Variants in LRBA observed in about 807,000 individuals in gnomAD.
The protein encoded by LRBA is LPS responsive beige-like anchor protein.
A neutral mutation model predicts 330.0 loss-of-function variants in LRBA; 176 were observed. The observed-to-expected ratio is 0.53, with a 90% CI of 0.47 to 0.60. The LOEUF (loss-of-function observed/expected upper bound fraction) is 0.60. Among genes scored for constraint, LRBA ranks in the 20% least tolerant of loss-of-function variants. The pLI, the probability that LRBA is intolerant of heterozygous loss-of-function variation, is 0.00. For synonymous variants in LRBA, 1,230 were observed against 1,193.0 expected (o/e 1.03, Z -0.64); for missense variants, 3,259 against 3,444.8 (o/e 0.95, Z 1.35).
At chr4:150,922,088 T>A (rs1733345659) in intron 4 of LRBA, among the ~76,000 whole-genome samples, 1 of 151,896 alleles carries the variant, frequency 6.6e-6, no homozygotes, top group African/African-American at 2.4e-5. Context: ...CTCAAACTCC[T>A]GACTTCAAGT....
At chr4:150,868,002 T>C in intron 21 of LRBA, 139 bp from the exon 22 acceptor site, 1 of 895,952 alleles carries the variant, frequency 1.1e-6, no homozygotes. Flanking sequence ...TTAAGAACAA[T>C]TCGACAATGT....
chr4:150,281,658 C>T (rs79771066), intron 55 of LRBA, among the ~76,000 whole-genome samples: 2,417 of 152,282 alleles, frequency 0.016, 23 homozygotes, highest in Non-Finnish European at 0.025. Context: ...TGGGTCCCCT[C>T]ATTGTATACA....
At chr4:150,882,530 A>G (rs1337756980) in intron 17 of LRBA, among the ~76,000 whole-genome samples, 1 of 152,224 alleles carries the variant, frequency 6.6e-6, no homozygotes, top group Non-Finnish European at 1.5e-5. Context: ...ATGAAGAACA[A>G]TATTCAAATC....
intron 44 of LRBA, among the ~76,000 whole-genome samples, chr4:150,451,125 A>G (rs947548313): frequency 2.6e-5 from 4 of 152,210 alleles, no homozygotes; most frequent in Non-Finnish European, 5.9e-5. Flanking sequence ...GGAGACTTCA[A>G]CACTCTTCTT....
intron 28 of LRBA, among the ~76,000 whole-genome samples, chr4:150,835,137 G>A (rs1747831093): frequency 6.6e-6 from 1 of 152,086 alleles, no homozygotes; most frequent in African/African-American, 2.4e-5. Context: ...TTATTTCTGA[G>A]GCCTCTGTTC....
chr4:150,432,977 T>C (rs1750636289), intron 46 of LRBA, among the ~76,000 whole-genome samples: 1 of 152,116 alleles, frequency 6.6e-6, no homozygotes, highest in African/African-American at 2.4e-5. Context: ...ATGGGGGTAA[T>C]TTATCAATGC....
chr4:150,736,311 C>A (rs888611277), intron 35 of LRBA, among the ~76,000 whole-genome samples: 1 of 152,036 alleles, frequency 6.6e-6, no homozygotes, highest in Non-Finnish European at 1.5e-5. Context: ...TTAATAGGCA[C>A]AAGAGACAAT....
At chr4:150,661,649 C>A (rs936918271) in intron 37 of LRBA, among the ~76,000 whole-genome samples, 10 of 151,908 alleles carry the variant, frequency 6.6e-5, no homozygotes, top group African/African-American at 2.4e-4. Flanking sequence ...CTCACTCTAT[C>A]GCCCAGGCTG....
intron 48 of LRBA, among the ~76,000 whole-genome samples, chr4:150,344,490 TAAAC>T (rs975963916): frequency 2.0e-5 from 3 of 152,224 alleles, no homozygotes; most frequent in Non-Finnish European, 4.4e-5. Flanking sequence ...TTTCAGATTC[TAAAC>T]AAACATATTA....
At chr4:150,525,390 A>T (rs1218131484) in intron 40 of LRBA, among the ~76,000 whole-genome samples, 2 of 152,166 alleles carry the variant, frequency 1.3e-5, no homozygotes, top group Non-Finnish European at 1.5e-5. Flanking sequence ...CAGGGACTCA[A>T]GTTCAATCTA....
intron 40 of LRBA, among the ~76,000 whole-genome samples, chr4:150,536,949 A>C (rs1764715860): frequency 6.6e-6 from 1 of 152,210 alleles, no homozygotes; most frequent in African/African-American, 2.4e-5. Flanking sequence ...TCAAACTACC[A>C]ATGTCATTTT....
intron 7 of LRBA, 83 bp from the exon 8 acceptor site, chr4:150,915,810 G>T: frequency 9.6e-7 from 1 of 1,045,484 alleles, no homozygotes; most frequent in Non-Finnish European, 1.3e-6. Flanking sequence ...AAAGTTAAAT[G>T]ATAAGTTGTA....
intron 42 of LRBA, among the ~76,000 whole-genome samples, chr4:150,479,947 C>T (rs1307238268): frequency 2.0e-5 from 3 of 152,118 alleles, no homozygotes; most frequent in Admixed American, 6.5e-5. Context: ...TGCATTCTAT[C>T]GCAATTGCAT....
intron 13 of LRBA, among the ~76,000 whole-genome samples, chr4:150,902,695 A>G (rs1216349405): frequency 6.6e-6 from 1 of 152,236 alleles, no homozygotes; most frequent in African/African-American, 2.4e-5. Context: ...TTCATTTTCA[A>G]TAAACTTCTG....
At chr4:150,625,717 A>T (rs190820961) in intron 37 of LRBA, among the ~76,000 whole-genome samples, 2,914 of 145,206 alleles carry the variant, frequency 0.02, 99 homozygotes, top group African/African-American at 0.067. Flanking sequence ...AATTATTATT[A>T]TTTTTTTTTT....
chr4:150,994,047 A>G (rs1205849312), intron 2 of LRBA, among the ~76,000 whole-genome samples: 1 of 150,192 alleles, frequency 6.7e-6, no homozygotes, highest in African/African-American at 2.5e-5. Flanking sequence ...CCTGGGCGAC[A>G]GAGCAAGACT....
intron 46 of LRBA, among the ~76,000 whole-genome samples, chr4:150,431,402 A>C (rs1750357649): frequency 6.6e-6 from 1 of 152,186 alleles, no homozygotes; most frequent in Non-Finnish European, 1.5e-5. Context: ...CTATCCCTTG[A>C]TGTGATTCCA....
intron 47 of LRBA, among the ~76,000 whole-genome samples, chr4:150,372,618 A>AG (rs1418177105): frequency 1.3e-5 from 2 of 149,848 alleles, no homozygotes; most frequent in African/African-American, 4.9e-5. Context: ...CTGGAGTCAT[A>AG]GCCTGGGTAA....
At chr4:150,403,231 T>C (rs1314999637) in intron 47 of LRBA, among the ~76,000 whole-genome samples, 1 of 152,198 alleles carries the variant, frequency 6.6e-6, no homozygotes, top group East Asian at 1.9e-4. Flanking sequence ...ACAGCACCAC[T>C]GGGCAGAAGT....
Sources: gnomAD v4.1 joint callset for allele counts (sites outside exome capture counted in the v4.1 genomes callset) on GRCh38, gnomAD v4.1.1 for gene constraint, MANE v1.5 for transcripts, NCBI Gene and HGNC (gene_info 2026-07-23, HGNC 2026-07-21) for gene names.